The following STK10 variants were observed in gnomAD, a reference collection of about 807,000 sequenced individuals.
STK10 encodes serine/threonine kinase 10.
Under a neutral mutation model 113.8 loss-of-function variants are expected in STK10, and 78 were observed. The ratio of observed to expected loss-of-function variants is 0.69; its 90% confidence interval spans 0.57 to 0.83. The LOEUF (loss-of-function observed/expected upper bound fraction) is 0.83. Among genes scored for constraint, STK10 ranks in the 40% least tolerant of loss-of-function variants. The probability of loss-of-function intolerance (pLI) is 0.00; values close to 1 mark genes in which losing one functional copy is unlikely to be tolerated. For missense variants in STK10, 1,109 were observed against 1,280.1 expected, an observed-to-expected ratio of 0.87 and a Z score of 2.04; for synonymous variants, 465 against 494.7, an observed-to-expected ratio of 0.94 and a Z score of 0.80.
intron 10 of STK10, among the ~76,000 whole-genome samples, chr5:172,084,407 A>G (rs998168091): frequency 1.3e-5 from 2 of 149,996 alleles, no homozygotes; most frequent in African/African-American, 4.9e-5. Context: ...TCTCAAAATA[A>G]TAATAATAAT....
At position 172,093,399 on chromosome 5, in the gene STK10, G is replaced by A. The variant is rs564001084; in HGVS notation, c.1554+13C>T. ...GTCTTGCTGCAAGCCCGTGGTGGCA[G>A]AGGCGGTGTTACCTTGATGGACAGA... is the stretch of plus-strand genomic sequence containing the variant. On this transcript the variant is annotated intron_variant, in intron 9 of 18. Coordinates refer to ENST00000176763, the MANE Select transcript of STK10 (RefSeq NM_005990.4). The surrounding 1 kb of genome is among the most constrained non-coding windows in gnomAD (Gnocchi z 4.1). The A allele has an allele frequency of 6.4e-7, 1 of 1,573,138 alleles. No homozygotes were observed. The highest frequency in any genetic ancestry group is 1.4e-5 in the African/African-American group (1 of 73,968).
intron 1 of STK10, among the ~76,000 whole-genome samples, chr5:172,163,136 C>G (rs1770502748): frequency 6.6e-6 from 1 of 152,204 alleles, no homozygotes; most frequent in Non-Finnish European, 1.5e-5. Flanking sequence ...ATGATAAAAA[C>G]AGCTAACACT....
intron 9 of STK10, 59 bp from the exon 10 acceptor site, chr5:172,090,421 C>A: frequency 6.3e-7 from 1 of 1,583,810 alleles, no homozygotes; most frequent in South Asian, 1.2e-5. Flanking sequence ...CCATGGCTGT[C>A]GCAGCAGGTG....
At chr5:172,103,540 T>C (rs1243023574) in intron 7 of STK10, among the ~76,000 whole-genome samples, 2 of 151,934 alleles carry the variant, frequency 1.3e-5, no homozygotes, top group Non-Finnish European at 2.9e-5. Flanking sequence ...CAGGAAACAA[T>C]TGGCCCCAAG....
At chr5:172,089,669 GGT>G (rs953056665) in intron 10 of STK10, among the ~76,000 whole-genome samples, 1 of 152,072 alleles carries the variant, frequency 6.6e-6, no homozygotes, top group Non-Finnish European at 1.5e-5. Flanking sequence ...AGGATGGAAT[GGT>G]GAGTGAGTAG....
chr5:172,067,726 G>A (rs919558821), intron 12 of STK10, among the ~76,000 whole-genome samples: 4 of 151,930 alleles, frequency 2.6e-5, no homozygotes, highest in Non-Finnish European at 5.9e-5. Context: ...TGATCACAGA[G>A]GAGGGTCATT....
intron 18 of STK10, among the ~76,000 whole-genome samples, chr5:172,049,187 G>C (rs774850827): frequency 6.6e-6 from 1 of 152,178 alleles, no homozygotes; most frequent in Non-Finnish European, 1.5e-5. Flanking sequence ...AGTGTCTCTA[G>C]AGTCTGAAAC....
Position 172,061,138 on chromosome 5 carries a change from C to A in STK10, c.2212+1G>T. ...CAGCGCTGCCACTTGCACACCCCCA[C>A]CTCGAAGGAGCTCCTGCTTCTTCAT... On this transcript the variant is annotated splice_donor_variant, in intron 14 of 18. Coordinates refer to ENST00000176763, the MANE Select transcript of STK10 (RefSeq NM_005990.4). LOFTEE classifies it high-confidence loss of function. 6.2e-7 allele frequency: 1 copy of A among 1,609,816 alleles called. No homozygotes were observed. Among genetic ancestry groups the A allele is most frequent in the Non-Finnish European group, 8.5e-7 (1 of 1,178,468 alleles).
chr5:172,106,418 A>AAAAAAAAAAAAAAAAAAAAAT (rs1769110367), intron 6 of STK10, among the ~76,000 whole-genome samples: 1 of 141,366 alleles, frequency 7.1e-6, no homozygotes, highest in Non-Finnish European at 1.5e-5. Flanking sequence ...AAAAAAAAAA[A>AAAAAAAAAAAAAAAAAAAAAT]GGAACACAAA....
At chr5:172,087,422 C>T (rs1023311313) in intron 10 of STK10, among the ~76,000 whole-genome samples, 3 of 150,498 alleles carry the variant, frequency 2.0e-5, no homozygotes, top group Non-Finnish European at 4.4e-5. Flanking sequence ...TTACAGACGC[C>T]GGCCACCACA....
chr5:172,105,521 G>T lies in STK10; in HGVS notation c.870+135C>A. 4.4e-6 allele frequency: 4 copies of T among 917,482 alleles called. No individual in the cohort carries two copies. The South Asian group carries it at 4.7e-5, about 11-fold the overall frequency. 56.8% of individuals were successfully genotyped at this position (917,482 alleles called of 1,614,324 possible). A position where few individuals can be genotyped will look rare whatever the true frequency, so the allele number is the denominator to read the frequency against. On this transcript the variant is annotated intron_variant, in intron 7 of 18. Coordinates refer to ENST00000176763, the MANE Select transcript of STK10 (RefSeq NM_005990.4). ...AGCTGGCATTCAGGAGGTGCCTGGG[G>T]AATACCCGCTGATGGACAAACAGCT...
intron 12 of STK10, among the ~76,000 whole-genome samples, chr5:172,078,078 CATTCCTACTTGGA>C (rs1768352168): frequency 6.6e-6 from 1 of 152,204 alleles, no homozygotes; most frequent in South Asian, 2.1e-4. Context: ...CCAGACCTCC[CATTCCTACTTGGA>C]ATTCCTACTT....
At position 172,133,510 on chromosome 5, in the gene STK10, G is replaced by C. The variant is rs927805175; in HGVS notation, c.322-6089C>G. 1.3e-5 allele frequency among the ~76,000 whole-genome samples: 2 copies of C among 152,162 alleles called. No homozygotes were observed. Among genetic ancestry groups the C allele is most frequent in the Non-Finnish European group, 2.9e-5 (2 of 68,034 alleles). On this transcript the variant is annotated intron_variant, in intron 2 of 18. Coordinates refer to ENST00000176763, the MANE Select transcript of STK10 (RefSeq NM_005990.4). This position sits in a 1 kb window ranked among gnomAD's most constrained non-coding sequence, Gnocchi z 4.9. Reference sequence around the variant, plus strand: ...GCCAGTCAGGAAAATTTTCTGCCTCGTGCCCTGACTCAGGGCTGGTGTCAT... The same window carrying C: ...GCCAGTCAGGAAAATTTTCTGCCTCCTGCCCTGACTCAGGGCTGGTGTCAT...
intron 18 of STK10, among the ~76,000 whole-genome samples, chr5:172,051,944 T>C (rs1767638848): frequency 6.6e-6 from 1 of 152,098 alleles, no homozygotes; most frequent in South Asian, 2.1e-4. Context: ...TAAAGAAAGA[T>C]GTGGGACTGA....
intron 12 of STK10, among the ~76,000 whole-genome samples, chr5:172,077,886 CAT>C (rs1287239489): frequency 2.0e-5 from 3 of 152,282 alleles, no homozygotes; most frequent in African/African-American, 4.8e-5. Flanking sequence ...GTGCCTGTTG[CAT>C]ATGCGTATGG....
intron 7 of STK10, among the ~76,000 whole-genome samples, chr5:172,102,237 G>A (rs893625188): frequency 6.6e-6 from 1 of 152,148 alleles, no homozygotes; most frequent in Non-Finnish European, 1.5e-5. Context: ...GGCACGTACC[G>A]AATGCAGGGA....
chr5:172,156,512 C>T (rs1770350485), intron 2 of STK10, 112 bp downstream of exon 2: 1 of 1,384,014 alleles, frequency 7.2e-7, no homozygotes, highest in Non-Finnish European at 9.6e-7. Flanking sequence ...CTTGCCCTAG[C>T]CCTCGTCCTC....
chr5:172,092,041 C>T (rs1248512779), intron 9 of STK10, among the ~76,000 whole-genome samples: 1 of 152,258 alleles, frequency 6.6e-6, no homozygotes, highest in Non-Finnish European at 1.5e-5. Context: ...CGCCCAGGGG[C>T]TCTGGACAGC....
intron 14 of STK10, among the ~76,000 whole-genome samples, chr5:172,059,434 C>CAAAA (rs58446505): frequency 8.8e-5 from 5 of 56,992 alleles, no homozygotes; most frequent in Non-Finnish European, 1.5e-4. Flanking sequence ...CTCTCCATCT[C>CAAAA]AAAAAAAAAA....
Sources: gnomAD v4.1 joint callset for allele counts (sites outside exome capture counted in the v4.1 genomes callset) on GRCh38, gnomAD v4.1.1 for gene constraint, Gnocchi (gnomAD v3.1) non-coding constraint, MANE v1.5 for transcripts, NCBI Gene and HGNC (gene_info 2026-07-23, HGNC 2026-07-21) for gene names.